The following KLHL29 variants were observed in gnomAD, a reference collection of about 807,000 sequenced individuals.
The protein encoded by KLHL29 is kelch like family member 29.
In KLHL29, 21 loss-of-function variants were observed where a neutral mutation model predicts 80.4. That is an observed-to-expected ratio of 0.26 (90% CI 0.19 to 0.38). The LOEUF (loss-of-function observed/expected upper bound fraction) is 0.38. Ranked by LOEUF, KLHL29 falls within the 10% of genes least tolerant of loss-of-function variation. The probability of loss-of-function intolerance (pLI) is 1.00; values close to 1 mark genes in which losing one functional copy is unlikely to be tolerated. For synonymous variants in KLHL29, 511 were observed against 526.8 expected (o/e 0.97, Z 0.41); for missense variants, 867 against 1,223.9 (o/e 0.71, Z 4.35).
rs142339940 is a variant in KLHL29, at chr2:23,607,037, T to C, written c.286-32102T>C. On this transcript the variant is annotated intron_variant, in intron 3 of 13. Transcript: ENST00000486442. ...AAGCTCTGGTCTCATGAGCCCCATA[T>C]GAGGGCACTAATCCCATTGGTGAGG... is the stretch of plus-strand genomic sequence containing the variant. Among the ~76,000 whole-genome samples, 318 of 152,318 alleles carry C rather than the reference T, an allele frequency of 2.1e-3. 2 individuals carry two copies. Among genetic ancestry groups the C allele is most frequent in the African/African-American group, 7.1e-3 (296 of 41,562 alleles).
chr2:23,594,699 T>C (rs1436652115), intron 3 of KLHL29, among the ~76,000 whole-genome samples: 1 of 152,210 alleles, frequency 6.6e-6, no homozygotes, highest in Non-Finnish European at 1.5e-5. Context: ...AGTAGAATAA[T>C]GAGTCAATGC....
intron 3 of KLHL29, among the ~76,000 whole-genome samples, chr2:23,601,892 G>A (rs1433341311): frequency 6.6e-6 from 1 of 152,232 alleles, no homozygotes; most frequent in African/African-American, 2.4e-5. Context: ...CCTCCGCAGT[G>A]TGGGGGTGGT....
In KLHL29 at chr2:23,498,064, A is replaced by G. The variant is rs1665322152; in HGVS notation, c.-46+22397A>G. On this transcript the variant is annotated intron_variant, in intron 2 of 13. Coordinates refer to ENST00000486442, the MANE Select transcript of KLHL29 (RefSeq NM_052920.2). The stretch of plus-strand genomic sequence containing the variant: ...AGTTAAGTGACTTAACATATCCATC[A>G]TCTCACCTAGTTACCCTTTTCTGTG... 2.0e-5 allele frequency among the ~76,000 whole-genome samples: 3 copies of G among 152,224 alleles called. No individual in the cohort carries two copies. In the South Asian group the frequency reaches 6.2e-4, roughly 32 times the overall value.
intron 2 of KLHL29, among the ~76,000 whole-genome samples, chr2:23,518,143 T>G (rs1665995898): frequency 6.6e-6 from 1 of 152,142 alleles, no homozygotes; most frequent in African/African-American, 2.4e-5. Context: ...ACAAGTCCGG[T>G]GGGCTGGGGG....
chr2:23,702,332 G>A (rs933062316), intron 11 of KLHL29, among the ~76,000 whole-genome samples: 2 of 152,124 alleles, frequency 1.3e-5, no homozygotes, highest in African/African-American at 4.8e-5. Context: ...GCCTACAGCT[G>A]GGCAAAAGCA....
chr2:23,578,475 C>CA (rs1446668771), intron 3 of KLHL29, among the ~76,000 whole-genome samples: 1 of 152,134 alleles, frequency 6.6e-6, no homozygotes, highest in Non-Finnish European at 1.5e-5. Context: ...ATTAATAATA[C>CA]AAAGCACTTA....
chr2:23,481,188 A>G (rs1664788281), intron 2 of KLHL29, among the ~76,000 whole-genome samples: 1 of 152,238 alleles, frequency 6.6e-6, no homozygotes, highest in South Asian at 2.1e-4. Context: ...AAAGCTCCCC[A>G]GGTGGTTCTG....
chr2:23,692,088 G>T (rs116603340), intron 7 of KLHL29, among the ~76,000 whole-genome samples: 1 of 152,230 alleles, frequency 6.6e-6, no homozygotes, highest in Non-Finnish European at 1.5e-5. Flanking sequence ...AGAGGACTCC[G>T]TGTCATTTCT....
At chr2:23,480,864 C>T (rs905002206) in intron 2 of KLHL29, among the ~76,000 whole-genome samples, 2 of 152,192 alleles carry the variant, frequency 1.3e-5, no homozygotes, top group Admixed American at 6.5e-5. Flanking sequence ...AGTGCACCCT[C>T]GTTTAGGATT....
intron 5 of KLHL29, chr2:23,643,205 C>T (rs546408007): frequency 2.2e-6 from 1 of 445,476 alleles, no homozygotes; most frequent in South Asian, 2.0e-5. Context: ...GAGTCATCCA[C>T]TCCTCTCAGG....
rs567907162 is a variant in KLHL29 at position 23,405,584 on chromosome 2, A to T, written c.-154+19804A>T. 3.3e-5 allele frequency among the ~76,000 whole-genome samples: 5 copies of T among 152,322 alleles called. No homozygotes were observed. In the South Asian group the frequency reaches 1.0e-3, roughly 32 times the overall value. ...GCATCCAGTTCCACAGATCCTGCTG[A>T]TGACATTGTCCATGCCTTCCCCAAC... On this transcript the variant is annotated intron_variant, in intron 1 of 13. Coordinates refer to ENST00000486442, the MANE Select transcript of KLHL29 (RefSeq NM_052920.2).
chr2:23,582,921 A>G (rs1047775067), intron 3 of KLHL29, among the ~76,000 whole-genome samples: 3 of 152,246 alleles, frequency 2.0e-5, no homozygotes, highest in Non-Finnish European at 4.4e-5. Context: ...AGTAAGGCTC[A>G]AGATGAGACC....
At chr2:23,406,148 A>G (rs984029653) in intron 1 of KLHL29, among the ~76,000 whole-genome samples, 1 of 151,988 alleles carries the variant, frequency 6.6e-6, no homozygotes, top group Non-Finnish European at 1.5e-5. Flanking sequence ...GACCAACATG[A>G]TGAAACCCCG....
At chr2:23,413,608 G>A (rs974868121) in intron 1 of KLHL29, among the ~76,000 whole-genome samples, 1 of 152,148 alleles carries the variant, frequency 6.6e-6, no homozygotes, top group African/African-American at 2.4e-5. Context: ...GGGGAGAGAC[G>A]GGAGAAAGAA....
chr2:23,386,004 G>A (rs1233820832), intron 1 of KLHL29, among the ~76,000 whole-genome samples: 1 of 150,418 alleles, frequency 6.6e-6, no homozygotes, highest in Non-Finnish European at 1.5e-5. Flanking sequence ...GAAAAAAAGG[G>A]GGGGAAAAAA....
chr2:23,538,441 T>A (rs908517814), intron 2 of KLHL29, among the ~76,000 whole-genome samples: 7 of 152,240 alleles, frequency 4.6e-5, no homozygotes, highest in Non-Finnish European at 1.0e-4. Context: ...CTAAAAGCTT[T>A]TGGCCTAGAC....
At chr2:23,637,069 C>A (rs145405926) in intron 3 of KLHL29, among the ~76,000 whole-genome samples, 2 of 152,094 alleles carry the variant, frequency 1.3e-5, no homozygotes, top group African/African-American at 2.4e-5. Flanking sequence ...TGCAACACCC[C>A]CTCCAGGCAG....
intron 2 of KLHL29, among the ~76,000 whole-genome samples, chr2:23,525,515 C>T (rs1666275846): frequency 2.0e-5 from 3 of 152,226 alleles, no homozygotes; most frequent in African/African-American, 7.2e-5. Context: ...CTCCCTTCCT[C>T]TCTCTCCTGC....
At chr2:23,664,991 TAAA>T (rs1383914672) in intron 5 of KLHL29, among the ~76,000 whole-genome samples, 3 of 152,212 alleles carry the variant, frequency 2.0e-5, no homozygotes, top group Non-Finnish European at 4.4e-5. Context: ...AATTGCCCTT[TAAA>T]AGTGCACAGA....
Sources: allele counts gnomAD v4.1 joint callset (sites outside exome capture counted in the v4.1 genomes callset), GRCh38; gene constraint gnomAD v4.1.1; transcripts MANE v1.5; gene names NCBI Gene and HGNC (gene_info 2026-07-23, HGNC 2026-07-21).